The following ZDHHC11B variants were observed in gnomAD, a reference collection of about 807,000 sequenced individuals.
ZDHHC11B encodes the protein probable palmitoyltransferase ZDHHC11B.
In ZDHHC11B, 17 loss-of-function variants were observed where a neutral mutation model predicts 42.3. That is an observed-to-expected ratio of 0.40 (90% CI 0.27 to 0.60). The LOEUF (loss-of-function observed/expected upper bound fraction) is 0.60, where lower values mean the gene tolerates loss of function less well. Ranked by LOEUF, ZDHHC11B falls within the 20% of genes least tolerant of loss-of-function variation. The pLI, the probability that ZDHHC11B is intolerant of heterozygous loss-of-function variation, is 0.41. For synonymous variants in ZDHHC11B, 123 were observed against 193.5 expected, an observed-to-expected ratio of 0.64 and a Z score of 3.02; for missense variants, 262 against 463.2, an observed-to-expected ratio of 0.57 and a Z score of 3.99.
chr5:763,928 C>T (rs1442655622), intron 4 of ZDHHC11B, among the ~76,000 whole-genome samples: 1 of 151,920 alleles, frequency 6.6e-6, no homozygotes, highest in Admixed American at 6.6e-5. Context: ...AAAAGCTTCA[C>T]TGTTGAAGCA....
At chr5:767,085 G>C (rs115337100) in intron 3 of ZDHHC11B, 166 bp from the exon 4 acceptor site, 26,311 of 936,824 alleles carry the variant, frequency 0.028, 154 homozygotes, top group Non-Finnish European at 0.034. Flanking sequence ...AGGGAGCAGG[G>C]GTTGGGCTGG....
At chr5:771,079 A>G (rs1254304417) in intron 1 of ZDHHC11B, among the ~76,000 whole-genome samples, 1 of 151,878 alleles carries the variant, frequency 6.6e-6, no homozygotes, top group East Asian at 1.9e-4. Flanking sequence ...TCAGCACTGC[A>G]CTGAGAGCTG....
At chr5:732,798 C>A (rs562293743) in intron 11 of ZDHHC11B, 3 of 271,600 alleles carry the variant, frequency 1.1e-5, no homozygotes, top group Non-Finnish European at 1.5e-5. Context: ...TAGAGGCTCA[C>A]GCCTCTAATT....
intron 12 of ZDHHC11B, among the ~76,000 whole-genome samples, chr5:718,970 G>C (rs997038324): frequency 6.6e-6 from 1 of 151,942 alleles, no homozygotes; most frequent in African/African-American, 2.4e-5. Flanking sequence ...GGCAGCAGTG[G>C]CTTCCTCCAG....
intron 11 of ZDHHC11B, 63 bp from the exon 12 acceptor site, chr5:730,531 T>A: frequency 2.0e-6 from 3 of 1,494,684 alleles, no homozygotes; most frequent in East Asian, 5.0e-5. Flanking sequence ...ATTAAACTTA[T>A]TCTTAAACAA....
intron 10 of ZDHHC11B, among the ~76,000 whole-genome samples, chr5:737,560 C>T (rs764891368): frequency 1.3e-5 from 2 of 149,452 alleles, no homozygotes; most frequent in South Asian, 2.2e-4. Flanking sequence ...CAACAAAATA[C>T]TAGCGAACCG....
At chr5:738,213 A>G (rs1326338668) in intron 10 of ZDHHC11B, among the ~76,000 whole-genome samples, 1 of 6,078 alleles carries the variant, frequency 1.6e-4, no homozygotes, top group African/African-American at 4.4e-4. Flanking sequence ...TGAAAGAAAA[A>G]AAAACAACTT....
intron 6 of ZDHHC11B, 69 bp from the exon 7 acceptor site, chr5:751,326 TG>T (rs1423024253): frequency 7.3e-5 from 2 of 27,386 alleles, no homozygotes; most frequent in African/African-American, 1.5e-4. Flanking sequence ...GGGGCAGGTG[TG>T]GGGGGCACGG....
Position 778,008 on chromosome 5 carries a change from G to T in ZDHHC11B, c.-230+6660C>A, listed in dbSNP as rs1051105230. Reference sequence around the variant, plus strand: ...GGCCCCGCGAGAATTTGAGCATGGCGCAGGCGGGCTGGCAGTGCTGGGGGA... The same window carrying T: ...GGCCCCGCGAGAATTTGAGCATGGCTCAGGCGGGCTGGCAGTGCTGGGGGA... On this transcript the variant is annotated intron_variant, in intron 1 of 13. Transcript: ENST00000508859. 9.2e-5 allele frequency among the ~76,000 whole-genome samples: 14 copies of T among 151,924 alleles called. 1 individual carries two copies. The highest frequency in any genetic ancestry group is 9.2e-4 in the Admixed American group (14 of 15,256).
At chr5:746,727 C>T (rs1302025451) in intron 8 of ZDHHC11B, among the ~76,000 whole-genome samples, 1 of 150,508 alleles carries the variant, frequency 6.6e-6, no homozygotes, top group Non-Finnish European at 1.5e-5. Context: ...GTGCAGGTGA[C>T]CATGCCTCAC....
intron 12 of ZDHHC11B, among the ~76,000 whole-genome samples, chr5:729,027 A>AAAAAAAAAG (rs1561122655): frequency 6.6e-6 from 1 of 151,476 alleles, no homozygotes; most frequent in Non-Finnish European, 1.5e-5. Flanking sequence ...AAAAAAAAAA[A>AAAAAAAAAG]TGTTGCTCCA....
At chr5:760,529 T>G (rs1447556752) in intron 4 of ZDHHC11B, among the ~76,000 whole-genome samples, 1 of 151,648 alleles carries the variant, frequency 6.6e-6, no homozygotes, top group Admixed American at 6.6e-5. Flanking sequence ...CAGATATGTC[T>G]GCTGTTGCAG....
chr5:712,916 ATG>A (rs1405076995), intron 13 of ZDHHC11B, among the ~76,000 whole-genome samples: 1 of 120,586 alleles, frequency 8.3e-6, no homozygotes, highest in Non-Finnish European at 1.8e-5. Context: ...CTAAATACAT[ATG>A]TGTGTGTGTG....
In ZDHHC11B at chr5:733,833, C is replaced by A. The variant is rs4429891; in HGVS notation, c.942G>T (p.Lys314Asn). Reference protein sequence around the residue: ...GALGSSAQGVKAKSSLLIYKC... With the variant: ...GALGSSAQGVNAKSSLLIYKC... Reference sequence around the variant, plus strand: ...TGTAAATCAGCAGGGAGCTCTTGGCCTTGACTCTGGTGGGACAGGAAGGAG... The same window carrying A: ...TGTAAATCAGCAGGGAGCTCTTGGCATTGACTCTGGTGGGACAGGAAGGAG... Residue 314 changes from lysine (K) to asparagine (N), a missense_variant, in exon 11 of 14, where the codon AAG (lysine) becomes AAT (asparagine). Transcript: ENST00000508859. 1 of 1,576,226 alleles carries A rather than the reference C, an allele frequency of 6.3e-7. No homozygotes were observed.
chr5:726,160 A>G (rs1420398884), intron 12 of ZDHHC11B, among the ~76,000 whole-genome samples: 2 of 151,354 alleles, frequency 1.3e-5, no homozygotes, highest in Non-Finnish European at 2.9e-5. Context: ...CACATTTCCC[A>G]CAAAACAGAC....
intron 1 of ZDHHC11B, among the ~76,000 whole-genome samples, chr5:771,697 G>A (rs1328978527): frequency 6.6e-6 from 1 of 151,720 alleles, no homozygotes; most frequent in Non-Finnish European, 1.5e-5. Flanking sequence ...GAGCAGCTGA[G>A]AAATTACCAG....
intron 6 of ZDHHC11B, among the ~76,000 whole-genome samples, chr5:753,114 G>C (rs1311706102): frequency 7.7e-6 from 1 of 129,630 alleles, no homozygotes; most frequent in Non-Finnish European, 1.7e-5. Context: ...CACCAGCGCC[G>C]CCTGCCTTCT....
chr5:729,950 T>C (rs1315237502), intron 12 of ZDHHC11B, among the ~76,000 whole-genome samples: 1 of 150,716 alleles, frequency 6.6e-6, no homozygotes, highest in Non-Finnish European at 1.5e-5. Flanking sequence ...CTTTAGAATG[T>C]GTGCTTAAAA....
chr5:783,822 C>G (rs1451511755), intron 1 of ZDHHC11B, among the ~76,000 whole-genome samples: 1 of 93,526 alleles, frequency 1.1e-5, no homozygotes, highest in Non-Finnish European at 1.9e-5. Context: ...CCCATCAAAA[C>G]AGCAGCCTCC....
Sources: gnomAD v4.1 joint callset for allele counts (sites outside exome capture counted in the v4.1 genomes callset) on GRCh38, gnomAD v4.1.1 for gene constraint, MANE v1.5 for transcripts, NCBI Gene and HGNC (gene_info 2026-07-23, HGNC 2026-07-21) for gene names.